The following CDKAL1 variants were observed in gnomAD, a reference collection of about 807,000 sequenced individuals.
The protein encoded by CDKAL1 is CDKAL1 threonylcarbamoyladenosine tRNA methylthiotransferase.
CDKAL1 carries 32 observed loss-of-function variants against 68.2 expected under a neutral mutation model. That is an observed-to-expected ratio of 0.47 (90% confidence interval 0.35 to 0.63). The LOEUF (loss-of-function observed/expected upper bound fraction) is 0.63, where lower values mean the gene tolerates loss of function less well. Among genes scored for constraint, CDKAL1 ranks in the 30% least tolerant of loss-of-function variants. The pLI is 0.00. For synonymous variants in CDKAL1, 234 were observed against 244.3 expected (o/e 0.96, Z 0.39); for missense variants, 606 against 696.7 (o/e 0.87, Z 1.47).
chr6:20,629,531 A>G (rs771583090), intron 4 of CDKAL1, among the ~76,000 whole-genome samples: 27 of 152,080 alleles, frequency 1.8e-4, no homozygotes, highest in Non-Finnish European at 3.5e-4. Flanking sequence ...CTGTCCCTCT[A>G]TAGGAATGCC....
At chr6:20,934,251 G>A (rs747420908) in intron 9 of CDKAL1, among the ~76,000 whole-genome samples, 1 of 152,056 alleles carries the variant, frequency 6.6e-6, no homozygotes, top group Non-Finnish European at 1.5e-5. Context: ...GTAGAAATGT[G>A]GATGTAGACA....
chr6:21,068,136 A>G (rs1303790993), intron 12 of CDKAL1, among the ~76,000 whole-genome samples: 1 of 152,098 alleles, frequency 6.6e-6, no homozygotes, highest in Non-Finnish European at 1.5e-5. Context: ...AGGTCATGGT[A>G]ATTTAAATAT....
chr6:20,752,184 A>C (rs1201870683), intron 6 of CDKAL1, among the ~76,000 whole-genome samples: 3 of 151,588 alleles, frequency 2.0e-5, no homozygotes, highest in African/African-American at 7.3e-5. Flanking sequence ...TGGACATAAT[A>C]TTATCTTTAA....
intron 9 of CDKAL1, among the ~76,000 whole-genome samples, chr6:20,905,107 C>G (rs565366066): frequency 6.6e-6 from 1 of 152,158 alleles, no homozygotes; most frequent in East Asian, 1.9e-4. Flanking sequence ...ACAGACTGTT[C>G]CTGATAAAAA....
intron 4 of CDKAL1, among the ~76,000 whole-genome samples, chr6:20,645,315 A>G (rs1042943190): frequency 2.0e-5 from 3 of 152,212 alleles, no homozygotes; most frequent in Non-Finnish European, 4.4e-5. Context: ...TAATATTTTT[A>G]CTTTATGAAC....
intron 8 of CDKAL1, among the ~76,000 whole-genome samples, chr6:20,792,323 C>G (rs775113906): frequency 4.6e-5 from 7 of 152,024 alleles, no homozygotes; most frequent in Non-Finnish European, 7.4e-5. Flanking sequence ...GGGTTTAAAA[C>G]GAGGTCATTT....
At chr6:20,676,698 T>TAATA (rs1554175382) in intron 5 of CDKAL1, among the ~76,000 whole-genome samples, 60 of 80,772 alleles carry the variant, frequency 7.4e-4, no homozygotes, top group African/African-American at 3.8e-3. Flanking sequence ...AATAAATAAA[T>TAATA]AAATAAAATA....
chr6:21,106,036 A>C (rs1773827572), intron 12 of CDKAL1, among the ~76,000 whole-genome samples: 1 of 152,196 alleles, frequency 6.6e-6, no homozygotes, highest in Non-Finnish European at 1.5e-5. Flanking sequence ...AAATTGATGC[A>C]ATATTTGTGA....
At chr6:20,958,878 A>G (rs1385632822) in intron 10 of CDKAL1, among the ~76,000 whole-genome samples, 2 of 152,198 alleles carry the variant, frequency 1.3e-5, no homozygotes, top group Non-Finnish European at 2.9e-5. Context: ...TTTTTTAAAA[A>G]CAACTTTTAC....
intron 9 of CDKAL1, among the ~76,000 whole-genome samples, chr6:20,899,934 G>C (rs1364553922): frequency 1.3e-5 from 2 of 152,130 alleles, no homozygotes; most frequent in African/African-American, 4.8e-5. Context: ...AGGCAAAGAG[G>C]ATCTAAGCGA....
intron 8 of CDKAL1, among the ~76,000 whole-genome samples, chr6:20,812,162 A>C (rs2150424142): frequency 6.6e-6 from 1 of 152,370 alleles, no homozygotes; most frequent in Admixed American, 6.5e-5. Context: ...ATAGAAAGGT[A>C]GGACGAATGC....
intron 4 of CDKAL1, among the ~76,000 whole-genome samples, chr6:20,587,329 A>G (rs9460525): frequency 0.028 from 4,304 of 152,214 alleles, 184 homozygotes; most frequent in African/African-American, 0.092. Flanking sequence ...AAGCTAACAG[A>G]TAATAAAACT....
intron 13 of CDKAL1, among the ~76,000 whole-genome samples, chr6:21,121,509 G>A (rs560976687): frequency 6.6e-6 from 1 of 152,282 alleles, no homozygotes; most frequent in East Asian, 1.9e-4. Context: ...ATAAAATAAT[G>A]TGCATCTTAG....
At chr6:20,788,858 GT>G (rs888342547) in intron 8 of CDKAL1, among the ~76,000 whole-genome samples, 4 of 152,084 alleles carry the variant, frequency 2.6e-5, no homozygotes, top group Admixed American at 2.6e-4. Context: ...CACCTGTTCA[GT>G]TTTAAGTGAA....
At chr6:20,873,746 G>A (rs1760343787) in intron 9 of CDKAL1, among the ~76,000 whole-genome samples, 1 of 152,122 alleles carries the variant, frequency 6.6e-6, no homozygotes, top group Non-Finnish European at 1.5e-5. Context: ...AAAAGGCAGT[G>A]CTTTGTTTCA....
chr6:21,110,585 T>A (rs1774070668), intron 13 of CDKAL1, among the ~76,000 whole-genome samples: 1 of 152,262 alleles, frequency 6.6e-6, no homozygotes, highest in Non-Finnish European at 1.5e-5. Flanking sequence ...CAGTGAGATT[T>A]CTGGCGTGAT....
intron 12 of CDKAL1, among the ~76,000 whole-genome samples, chr6:21,083,035 G>C (rs908665767): frequency 1.3e-5 from 2 of 151,634 alleles, no homozygotes; most frequent in Admixed American, 1.3e-4. Flanking sequence ...CACCACACCT[G>C]GTTAATTTTT....
At chr6:20,597,778 C>T (rs1051885040) in intron 4 of CDKAL1, among the ~76,000 whole-genome samples, 7 of 152,242 alleles carry the variant, frequency 4.6e-5, no homozygotes, top group South Asian at 4.1e-4. Context: ...AAAACCCTGC[C>T]GGATACCCAT....
chr6:21,139,666 G>A (rs1003265455), intron 13 of CDKAL1, among the ~76,000 whole-genome samples: 1 of 151,832 alleles, frequency 6.6e-6, no homozygotes, highest in Non-Finnish European at 1.5e-5. Context: ...ACGCACCACC[G>A]TGTAACTAAT....
Sources: allele counts gnomAD v4.1 joint callset (sites outside exome capture counted in the v4.1 genomes callset), GRCh38; gene constraint gnomAD v4.1.1; transcripts MANE v1.5; gene names NCBI Gene and HGNC (gene_info 2026-07-23, HGNC 2026-07-21).